Variants in ZNF285 observed in about 807,000 individuals in gnomAD.
The protein encoded by ZNF285 is zinc finger protein 285A.
Under a neutral mutation model 6.2 loss-of-function variants are expected in ZNF285, and 4 were observed. That is an observed-to-expected ratio of 0.65 (90% confidence interval 0.32 to 1.49). ZNF285 has a LOEUF of 1.49. ZNF285 is among the 40% of genes most tolerant of loss of function. The pLI, the probability that ZNF285 is intolerant of heterozygous loss-of-function variation, is 0.07. For missense variants in ZNF285, 695 were observed against 708.8 expected (o/e 0.98, Z 0.22); for synonymous variants, 240 against 245.8 (o/e 0.98, Z 0.22).
intron 1 of ZNF285, among the ~76,000 whole-genome samples, chr19:44,399,334 T>G: frequency 7.0e-6 from 1 of 142,146 alleles, no homozygotes. Flanking sequence ...TTTACAATAG[T>G]TAAAACCTAC....
rs1320605801 is a variant in ZNF285 at position 44,401,553 on chromosome 19, A to C, written c.-44+15T>G. On this transcript the variant is annotated intron_variant, in intron 1 of 3. Transcript: ENST00000614994. ...GCTACGCCTCCAAGAGGGGCGCGGTACAGACGGGACTCACCCCAGCGTCCC... is the reference window on the plus strand; with the variant it reads ...GCTACGCCTCCAAGAGGGGCGCGGTCCAGACGGGACTCACCCCAGCGTCCC... 6.6e-6 allele frequency: 1 copy of C among 152,342 alleles called. No individual in the cohort carries two copies. Among genetic ancestry groups the C allele is most frequent in the Non-Finnish European group, 1.5e-5 (1 of 68,160 alleles). The allele number at this position is 152,342 out of a possible 1,614,324, so 9.4% of individuals were successfully genotyped here.
At chr19:44,397,286 T>C (rs778554364) in intron 1 of ZNF285, 30 bp from the exon 2 acceptor site, 32 of 1,612,490 alleles carry the variant, frequency 2.0e-5, no homozygotes, top group Non-Finnish European at 2.2e-5. Flanking sequence ...CATGAGATCA[T>C]GGGTTCAACA....
intron 2 of ZNF285, among the ~76,000 whole-genome samples, chr19:44,394,948 T>C (rs2571125): frequency 0.33 from 49,808 of 152,096 alleles, 11,555 homozygotes; most frequent in East Asian, 0.75. Flanking sequence ...ACACTGAAGC[T>C]TACTTGGGGT....
At position 44,386,201 on chromosome 19, in the gene ZNF285, T is replaced by A. The variant is rs1971066115; in HGVS notation, c.*271A>T. ...CCTGGACACACCCTTTAATGGAAATTTGACCACTAACTACAACCACTACCA... is the reference window on the plus strand; with the variant it reads ...CCTGGACACACCCTTTAATGGAAATATGACCACTAACTACAACCACTACCA... On this transcript the variant is annotated 3_prime_UTR_variant, in exon 4 of 4. Coordinates refer to ENST00000614994, the MANE Select transcript of ZNF285 (RefSeq NM_152354.6). 1 of 354,308 alleles carries A rather than the reference T, an allele frequency of 2.8e-6. No homozygotes were observed. The highest frequency in any genetic ancestry group is 5.3e-5 in the East Asian group (1 of 18,780). 21.9% of individuals were successfully genotyped at this position (354,308 alleles called of 1,614,324 possible).
In ZNF285 at chr19:44,387,906, G is replaced by T; in HGVS notation, c.339C>A (p.Gly113=). The T allele has an allele frequency of 6.2e-7, 1 of 1,613,938 alleles. No homozygotes were observed. Among genetic ancestry groups the T allele is most frequent in the Non-Finnish European group, 8.5e-7 (1 of 1,179,902 alleles). ...CATTTTCAGAAATCTGAAGAGAAAT[G>T]CCTGCCCACTCTTCACTGAGGGAAA... ...EDVSLSEEWA[G]ISLQISENEN... is the part of the protein sequence containing the mutation. The change falls in exon 4 of 4, where the codon GGC becomes GGA. Residue 113 remains glycine (G), a synonymous_variant. Transcript: ENST00000614994.
rs766102107 is a variant in ZNF285 at position 44,386,460 on chromosome 19, G to C, written c.*12C>G. On this transcript the variant is annotated 3_prime_UTR_variant, in exon 4 of 4. Coordinates refer to ENST00000614994, the MANE Select transcript of ZNF285 (RefSeq NM_152354.6). ...GCTTCTGTTTTACTAATTGAACCCT[G>C]ACTTACTACATTTATAATGTTTCTC... 1.4e-5 allele frequency: 22 copies of C among 1,604,516 alleles called. No individual in the cohort carries two copies. Among genetic ancestry groups the C allele is most frequent in the Non-Finnish European group, 1.8e-5 (21 of 1,173,756 alleles).
Position 44,392,451 on chromosome 19 carries a change from T to C in ZNF285, c.31A>G (p.Lys11Glu), listed in dbSNP as rs1171331232. The C allele has an allele frequency of 6.2e-7, 1 of 1,613,878 alleles. No homozygotes were observed. Residue 11 changes from lysine (K) to glutamate (E), a missense_variant, in exon 3 of 4, where the codon AAG (lysine) becomes GAG (glutamate). Lys to Glu is a moderately conservative substitution (Grantham distance 56). Transcript: ENST00000614994. ...TTGGTGAAGACAACAGCCACATCCT[T>C]GAATGTCACCCTTTCCTAAAACATC... MIKFQERVTF[K>E]DVAVVFTKEE...
chr19:44,387,371 C>G lies in ZNF285; in HGVS notation c.874G>C (p.Glu292Gln). The change falls in exon 4 of 4, where the codon GAA (glutamate) becomes CAA (glutamine). Residue 292 changes from glutamate to glutamine, a missense_variant. Glu to Gln is a conservative substitution (Grantham distance 29, BLOSUM62 2). Coordinates refer to ENST00000614994, the MANE Select transcript of ZNF285 (RefSeq NM_152354.6). ...CTCTGTTTGCAGCCCATAGGCCATT[C>G]GTGGAATTCATAGGGAGTCTTGCCA... ...HSGKTPYEFH[E>Q]WPMGCKQSSD... 6.2e-7 allele frequency: 1 copy of G among 1,614,110 alleles called. No homozygotes were observed. The highest frequency in any genetic ancestry group is 8.5e-7 in the Non-Finnish European group (1 of 1,180,024).
intron 1 of ZNF285, among the ~76,000 whole-genome samples, chr19:44,397,489 A>G (rs1306360308): frequency 6.6e-6 from 1 of 152,184 alleles, no homozygotes; most frequent in East Asian, 1.9e-4. Flanking sequence ...CTTTTGGGTC[A>G]AAACCTGCAC....
At position 44,385,810 on chromosome 19, in the gene ZNF285, T is replaced by C. The variant is rs1373358177; in HGVS notation, c.*662A>G. The C allele has an allele frequency of 6.6e-6, 1 of 152,402 alleles. No homozygotes were observed. The allele number at this position is 152,402 out of a possible 1,614,324, so 9.4% of individuals were successfully genotyped here. A position where few individuals can be genotyped will look rare whatever the true frequency, so the allele number is the denominator to read the frequency against. ...TGTAAAGGCTAGACCTGAAAGTGGC[T>C]TATATCACTTTTGCTCACACTCCAT... On this transcript the variant is annotated 3_prime_UTR_variant, in exon 4 of 4. Coordinates refer to ENST00000614994, the MANE Select transcript of ZNF285 (RefSeq NM_152354.6).
rs1295496014 is a variant in ZNF285 at position 44,397,320 on chromosome 19, T to C, written c.-43-64A>G. Reference sequence around the variant, plus strand: ...CAAGTTGTGAATGAACATTGGTTCCTTCCTTATCTGTACAAGTTTCTCACA... The same window carrying C: ...CAAGTTGTGAATGAACATTGGTTCCCTCCTTATCTGTACAAGTTTCTCACA... On this transcript the variant is annotated intron_variant, in intron 1 of 3. Coordinates refer to ENST00000614994, the MANE Select transcript of ZNF285 (RefSeq NM_152354.6). 1.7e-5 allele frequency: 27 copies of C among 1,577,164 alleles called. 1 individual carries two copies. The highest frequency in any genetic ancestry group is 1.2e-4 in the South Asian group (11 of 90,204).
In ZNF285 at chr19:44,382,523, C is replaced by T. The variant is rs1159600917; in HGVS notation, c.*3949G>A. 3 of 152,088 alleles carry T rather than the reference C, an allele frequency of 2.0e-5. No individual in the cohort carries two copies. The highest frequency in any genetic ancestry group is 4.4e-5 in the Non-Finnish European group (3 of 68,056). 9.4% of individuals were successfully genotyped at this position (152,088 alleles called of 1,614,324 possible). ...CTATGTTGGCCAGGCTGGTCTCAAA[C>T]TCCTGATCTTGTGATTCAGCCACCT... On this transcript the variant is annotated 3_prime_UTR_variant, in exon 4 of 4. Coordinates refer to ENST00000614994, the MANE Select transcript of ZNF285 (RefSeq NM_152354.6).
At chr19:44,396,925 C>T (rs1484346072) in intron 2 of ZNF285, 4 of 425,512 alleles carry the variant, frequency 9.4e-6, no homozygotes, top group East Asian at 3.6e-5. Context: ...ATTCTTTTTC[C>T]CTCATCGGGC....
intron 3 of ZNF285, among the ~76,000 whole-genome samples, chr19:44,391,461 C>G (rs1180563710): frequency 6.6e-6 from 1 of 152,052 alleles, no homozygotes; most frequent in African/African-American, 2.4e-5. Context: ...GTTTAATTGA[C>G]TCATAGTTCC....
chr19:44,385,364 T>C lies in ZNF285; in HGVS notation c.*1108A>G, dbSNP rs1257192483. 6.6e-6 allele frequency: 1 copy of C among 152,158 alleles called. No homozygotes were observed. Among genetic ancestry groups the C allele is most frequent in the African/African-American group, 2.4e-5 (1 of 41,396 alleles). The allele number at this position is 152,158 out of a possible 1,614,324, so 9.4% of individuals were successfully genotyped here. ...GATTTCTTACGTCGGTGGGTTATAC[T>C]TTTCAGTAAAGTTTTACCACAGCTA... On this transcript the variant is annotated 3_prime_UTR_variant, in exon 4 of 4. Transcript: ENST00000614994.
rs1971024806 is a variant in ZNF285 at position 44,382,977 on chromosome 19, G to C, written c.*3495C>G. The C allele has an allele frequency of 1.3e-5, 2 of 152,116 alleles. No individual in the cohort carries two copies. The highest frequency in any genetic ancestry group is 1.3e-4 in the Admixed American group (2 of 15,280). 9.4% of individuals were successfully genotyped at this position (152,116 alleles called of 1,614,324 possible). A position where few individuals can be genotyped will look rare whatever the true frequency, so the allele number is the denominator to read the frequency against. On this transcript the variant is annotated 3_prime_UTR_variant, in exon 4 of 4. Coordinates refer to ENST00000614994, the MANE Select transcript of ZNF285 (RefSeq NM_152354.6). Reference sequence around the variant, plus strand: ...GCTCCTCACCTAGGCATCCCAAAGGGAACTCCCAGAATTACCTTTGGACAA... The same window carrying C: ...GCTCCTCACCTAGGCATCCCAAAGGCAACTCCCAGAATTACCTTTGGACAA...
chr19:44,391,482 G>A (rs1599960239), intron 3 of ZNF285, among the ~76,000 whole-genome samples: 2 of 152,010 alleles, frequency 1.3e-5, no homozygotes, highest in East Asian at 3.9e-4. Context: ...ATGTGGCTGG[G>A]GAGGCCTCAC....
rs180853730 is a variant in ZNF285 at position 44,386,078 on chromosome 19, C to T, written c.*394G>A. The T allele has an allele frequency of 5.6e-6, 1 of 180,090 alleles. No individual in the cohort carries two copies. Among genetic ancestry groups the T allele is most frequent in the African/African-American group, 2.4e-5 (1 of 42,344 alleles). 11.2% of individuals were successfully genotyped at this position (180,090 alleles called of 1,614,324 possible). A position where few individuals can be genotyped will look rare whatever the true frequency, so the allele number is the denominator to read the frequency against. On this transcript the variant is annotated 3_prime_UTR_variant, in exon 4 of 4. Coordinates refer to ENST00000614994, the MANE Select transcript of ZNF285 (RefSeq NM_152354.6). ...TTTGAGCACACTTTTGAATGTTCTT[C>T]ATACAGAGAGTATTTTTCTACTGGG...
At chr19:44,392,952 G>A (rs1971222394) in intron 2 of ZNF285, among the ~76,000 whole-genome samples, 1 of 151,952 alleles carries the variant, frequency 6.6e-6, no homozygotes, top group Admixed American at 6.6e-5. Flanking sequence ...TATGTTAAAA[G>A]GAACTAAGAA....
Sources: allele counts gnomAD v4.1 joint callset (sites outside exome capture counted in the v4.1 genomes callset), GRCh38; gene constraint gnomAD v4.1.1; transcripts MANE v1.5; gene names NCBI Gene and HGNC (gene_info 2026-07-23, HGNC 2026-07-21).